Variants in ARHGAP15 observed in about 807,000 individuals in gnomAD.
ARHGAP15 encodes Rho GTPase activating protein 15, also known as rho GTPase-activating protein 15.
A neutral mutation model predicts 63.7 loss-of-function variants in ARHGAP15; 51 were observed. The observed-to-expected ratio is 0.80, with a 90% CI of 0.64 to 1.01. The LOEUF (loss-of-function observed/expected upper bound fraction) is 1.01, where lower values mean the gene tolerates loss of function less well. Ranked by LOEUF, ARHGAP15 falls within the 50% of genes least tolerant of loss-of-function variation. The pLI, the probability that ARHGAP15 is intolerant of heterozygous loss-of-function variation, is 0.00. For synonymous variants in ARHGAP15, 191 were observed against 193.8 expected, an observed-to-expected ratio of 0.99 and a Z score of 0.12; for missense variants, 560 against 564.6, an observed-to-expected ratio of 0.99 and a Z score of 0.08.
At chr2:143,484,172 C>T (rs1264469647) in intron 8 of ARHGAP15, among the ~76,000 whole-genome samples, 1 of 152,024 alleles carries the variant, frequency 6.6e-6, no homozygotes, top group Non-Finnish European at 1.5e-5. Flanking sequence ...TCAAGACCAG[C>T]CTGGCCAACA....
At chr2:143,416,840 CCCACG>C (rs1462113475) in intron 6 of ARHGAP15, among the ~76,000 whole-genome samples, 22 of 70,870 alleles carry the variant, frequency 3.1e-4, no homozygotes, top group South Asian at 1.4e-3. Flanking sequence ...CCCCCACGCC[CCCACG>C]CCCCCACGCC....
chr2:143,205,171 C>T (rs1445321992), intron 3 of ARHGAP15, among the ~76,000 whole-genome samples: 1 of 151,180 alleles, frequency 6.6e-6, no homozygotes, highest in African/African-American at 2.4e-5. Context: ...TCTGTAGTCC[C>T]AGCTACTTGT....
chr2:143,745,559 T>C (rs1424929167), intron 13 of ARHGAP15, among the ~76,000 whole-genome samples: 1 of 152,214 alleles, frequency 6.6e-6, no homozygotes, highest in African/African-American at 2.4e-5. Flanking sequence ...CTCATCACTT[T>C]GATAAATAAA....
chr2:143,688,584 G>A (rs1169541595), intron 12 of ARHGAP15, among the ~76,000 whole-genome samples: 2 of 152,142 alleles, frequency 1.3e-5, no homozygotes, highest in Non-Finnish European at 2.9e-5. Flanking sequence ...CTCTATTCTT[G>A]AGTTGTAAAT....
chr2:143,182,046 A>T (rs1230574676), intron 2 of ARHGAP15, among the ~76,000 whole-genome samples: 1 of 149,816 alleles, frequency 6.7e-6, no homozygotes, highest in Non-Finnish European at 1.5e-5. Context: ...GGTTCAAGTG[A>T]TTCTCCAGCC....
chr2:143,722,729 G>A (rs531755334), intron 13 of ARHGAP15, among the ~76,000 whole-genome samples: 1 of 152,330 alleles, frequency 6.6e-6, no homozygotes, highest in South Asian at 2.1e-4. Flanking sequence ...GAGCTGGTGA[G>A]ATTTGGATGT....
At chr2:143,665,831 G>T (rs1277069458) in intron 12 of ARHGAP15, among the ~76,000 whole-genome samples, 1 of 150,408 alleles carries the variant, frequency 6.6e-6, no homozygotes, top group African/African-American at 2.4e-5. Context: ...GCTTCAAAGA[G>T]AATAAAATAC....
intron 6 of ARHGAP15, among the ~76,000 whole-genome samples, chr2:143,310,260 T>G (rs1281739653): frequency 6.6e-6 from 1 of 152,096 alleles, no homozygotes; most frequent in Non-Finnish European, 1.5e-5. Context: ...GTTTTATTCT[T>G]AGTTTGTTTC....
chr2:143,278,779 C>A (rs1390366416), intron 6 of ARHGAP15, among the ~76,000 whole-genome samples: 3 of 151,748 alleles, frequency 2.0e-5, no homozygotes. Context: ...CCTCTTGAGC[C>A]CAGAAGGCAC....
intron 13 of ARHGAP15, among the ~76,000 whole-genome samples, chr2:143,734,785 T>C (rs544773840): frequency 6.7e-5 from 10 of 149,106 alleles, no homozygotes; most frequent in African/African-American, 2.1e-4. Flanking sequence ...AATGGATTTC[T>C]GTTTCTACAT....
intron 8 of ARHGAP15, among the ~76,000 whole-genome samples, chr2:143,440,241 T>C (rs1689812876): frequency 6.6e-6 from 1 of 152,188 alleles, no homozygotes; most frequent in Non-Finnish European, 1.5e-5. Flanking sequence ...CTTTGTAAAA[T>C]ATATTTTTTC....
At chr2:143,695,108 A>G (rs1683783433) in intron 12 of ARHGAP15, among the ~76,000 whole-genome samples, 1 of 152,216 alleles carries the variant, frequency 6.6e-6, no homozygotes, top group Non-Finnish European at 1.5e-5. Context: ...TTATGATGAA[A>G]AAGATTTCAA....
intron 12 of ARHGAP15, among the ~76,000 whole-genome samples, chr2:143,635,880 T>C (rs1475622926): frequency 6.6e-6 from 1 of 152,152 alleles, no homozygotes; most frequent in African/African-American, 2.4e-5. Context: ...TTATATTGGA[T>C]AATTATGAGT....
chr2:143,764,849 C>A (rs1202664284), intron 13 of ARHGAP15, among the ~76,000 whole-genome samples: 1 of 152,206 alleles, frequency 6.6e-6, no homozygotes, highest in African/African-American at 2.4e-5. Context: ...TTTGCCCTTT[C>A]AGATTTCCTG....
At chr2:143,719,762 GT>G (rs1354392266) in intron 13 of ARHGAP15, among the ~76,000 whole-genome samples, 2 of 152,112 alleles carry the variant, frequency 1.3e-5, no homozygotes, top group African/African-American at 2.4e-5. Flanking sequence ...AGAAATAAAT[GT>G]ACGCCCTGCC....
In ARHGAP15 at chr2:143,181,836, A is replaced by G. The variant is rs564111801; in HGVS notation, c.166-20298A>G. On this transcript the variant is annotated intron_variant, in intron 2 of 13. Transcript: ENST00000295095. ...GTAGGGGCACTTTTAATTTCCTTCAATAACTTTTCCTTTGCATTCACAACT... is the reference window on the plus strand; with the variant it reads ...GTAGGGGCACTTTTAATTTCCTTCAGTAACTTTTCCTTTGCATTCACAACT... Among the ~76,000 whole-genome samples the G allele has an allele frequency of 4.6e-5, 7 of 152,278 alleles. No homozygotes were observed. In the South Asian group the frequency reaches 8.3e-4, roughly 18 times the overall value.
intron 5 of ARHGAP15, among the ~76,000 whole-genome samples, chr2:143,245,398 A>G (rs1195979741): frequency 1.3e-5 from 2 of 152,226 alleles, no homozygotes; most frequent in Non-Finnish European, 2.9e-5. Flanking sequence ...CAGATGGGGA[A>G]CAAGGCATCA....
intron 13 of ARHGAP15, among the ~76,000 whole-genome samples, chr2:143,730,372 T>C (rs992357641): frequency 6.6e-6 from 1 of 151,246 alleles, no homozygotes; most frequent in Non-Finnish European, 1.5e-5. Flanking sequence ...AAAAGGGTGT[T>C]TCCCGTGCTG....
chr2:143,580,638 C>T (rs1011470508), intron 11 of ARHGAP15, among the ~76,000 whole-genome samples: 5 of 151,754 alleles, frequency 3.3e-5, no homozygotes, highest in Admixed American at 6.6e-5. Flanking sequence ...TTTTAATATG[C>T]GTTTTATCAC....
Sources: gnomAD v4.1 joint callset for allele counts (sites outside exome capture counted in the v4.1 genomes callset) on GRCh38, gnomAD v4.1.1 for gene constraint, MANE v1.5 for transcripts, NCBI Gene and HGNC (gene_info 2026-07-23, HGNC 2026-07-21) for gene names.